Variants in MTSS1 observed in about 807,000 individuals in gnomAD.
The protein encoded by MTSS1 is protein MTSS 1.
Under a neutral mutation model 79.0 loss-of-function variants are expected in MTSS1, and 18 were observed. The ratio of observed to expected loss-of-function variants is 0.23; its 90% CI spans 0.16 to 0.34. The LOEUF (loss-of-function observed/expected upper bound fraction) is 0.34. Ranked by LOEUF, MTSS1 falls within the 10% of genes least tolerant of loss-of-function variation. The pLI is 1.00. For missense variants in MTSS1, 815 were observed against 986.2 expected, an observed-to-expected ratio of 0.83 and a Z score of 2.33; for synonymous variants, 341 against 368.6, an observed-to-expected ratio of 0.93 and a Z score of 0.86.
intron 3 of MTSS1, among the ~76,000 whole-genome samples, chr8:124,653,688 C>T (rs947275158): frequency 3.3e-5 from 5 of 152,230 alleles, no homozygotes; most frequent in African/African-American, 4.8e-5. Context: ...CGCGCCAGTG[C>T]GCTCCAGCCT....
intron 3 of MTSS1, among the ~76,000 whole-genome samples, chr8:124,614,417 G>A (rs1221951688): frequency 6.6e-6 from 1 of 152,220 alleles, no homozygotes; most frequent in African/African-American, 2.4e-5. Context: ...AGGGATGGGT[G>A]TGTTTCTTTT....
Position 124,716,670 on chromosome 8 carries a change from T to C in MTSS1, c.72+11214A>G, listed in dbSNP as rs138246876. On this transcript the variant is annotated intron_variant, in intron 1 of 13. Coordinates refer to ENST00000518547, the MANE Select transcript of MTSS1 (RefSeq NM_014751.6). The stretch of plus-strand genomic sequence containing the variant: ...TTTAACCCATTCTCCAGGGACACTT[T>C]TGCTCATTAAAAATTACACACAGCA... 6.9e-3 allele frequency among the ~76,000 whole-genome samples: 1,050 copies of C among 152,288 alleles called. 22 individuals carry two copies. The highest frequency in any genetic ancestry group is 0.024 in the African/African-American group (996 of 41,562).
At chr8:124,638,999 T>G (rs1817533080) in intron 3 of MTSS1, among the ~76,000 whole-genome samples, 1 of 152,202 alleles carries the variant, frequency 6.6e-6, no homozygotes, top group Non-Finnish European at 1.5e-5. Context: ...AAAAGTAATT[T>G]TATTTTTTCA....
At chr8:124,706,474 A>C (rs1587907712) in intron 1 of MTSS1, among the ~76,000 whole-genome samples, 1 of 152,382 alleles carries the variant, frequency 6.6e-6, no homozygotes, top group East Asian at 1.9e-4. Flanking sequence ...TGTTTCACGC[A>C]TGCTGCTACA....
chr8:124,551,377 C>T lies in MTSS1; in HGVS notation c.*1615G>A, dbSNP rs774121153. The T allele has an allele frequency of 7.2e-5, 11 of 152,528 alleles. No homozygotes were observed. The highest frequency in any genetic ancestry group is 2.0e-4 in the Admixed American group (3 of 15,268). The allele number at this position is 152,528 out of a possible 1,614,324, so 9.4% of individuals were successfully genotyped here. ...AATAATCATGCCTTTGCTTTAAAGC[C>T]GTAACATAAAATGTCCTTGAGCAAT... is the stretch of plus-strand genomic sequence containing the variant. On this transcript the variant is annotated 3_prime_UTR_variant, in exon 14 of 14. Transcript: ENST00000518547.
intron 13 of MTSS1, among the ~76,000 whole-genome samples, chr8:124,555,254 A>AT (rs1323172167): frequency 4.0e-5 from 6 of 151,008 alleles, no homozygotes; most frequent in South Asian, 4.2e-4. Context: ...ATTTATTATT[A>AT]TTTTTTTTTG....
chr8:124,695,329 G>A (rs1250861889), intron 3 of MTSS1, among the ~76,000 whole-genome samples: 6 of 132,686 alleles, frequency 4.5e-5, no homozygotes, highest in Admixed American at 1.5e-4. Context: ...CTTCCATCAA[G>A]AGGGATAAAA....
chr8:124,717,909 G>A (rs180880646), intron 1 of MTSS1, among the ~76,000 whole-genome samples: 4 of 152,264 alleles, frequency 2.6e-5, no homozygotes, highest in Admixed American at 2.6e-4. Context: ...GGTACTAGTA[G>A]CTTCTCAAGT....
At chr8:124,694,920 T>C (rs895209005) in intron 3 of MTSS1, among the ~76,000 whole-genome samples, 2 of 152,218 alleles carry the variant, frequency 1.3e-5, no homozygotes, top group African/African-American at 4.8e-5. Context: ...CAACAAAATA[T>C]GGAACTGCGC....
intron 10 of MTSS1, 71 bp downstream of exon 10, chr8:124,562,711 T>A (rs1406279480): frequency 2.7e-6 from 4 of 1,459,174 alleles, no homozygotes; most frequent in South Asian, 2.3e-5. Flanking sequence ...GGTGCTTCTT[T>A]GGTTCTGGCC....
At chr8:124,627,326 G>A (rs921079008) in intron 3 of MTSS1, among the ~76,000 whole-genome samples, 2 of 152,164 alleles carry the variant, frequency 1.3e-5, no homozygotes, top group African/African-American at 2.4e-5. Flanking sequence ...CGTTACATTC[G>A]CTAACACTGA....
At position 124,582,939 on chromosome 8, in the gene MTSS1, G is replaced by A. The variant is rs570126355; in HGVS notation, c.460+2148C>T. 1.8e-4 allele frequency among the ~76,000 whole-genome samples: 27 copies of A among 152,318 alleles called. No homozygotes were observed. Among genetic ancestry groups the A allele is most frequent in the African/African-American group, 6.0e-4 (25 of 41,564 alleles). On this transcript the variant is annotated intron_variant, in intron 6 of 13. Coordinates refer to ENST00000518547, the MANE Select transcript of MTSS1 (RefSeq NM_014751.6). This position sits in a 1 kb window ranked among gnomAD's most constrained non-coding sequence, Gnocchi z 4.8. ...CCGAATGTGACTCTAGTACCTTTCA[G>A]AAGGCTGCTTTCATCCCAGAAATAT...
At chr8:124,568,707 C>A in intron 6 of MTSS1, 171 bp from the exon 7 acceptor site, 1 of 1,475,746 alleles carries the variant, frequency 6.8e-7, no homozygotes, top group South Asian at 1.3e-5. Context: ...CTAGGACCAG[C>A]CATTTCCAAT....
intron 9 of MTSS1, among the ~76,000 whole-genome samples, chr8:124,565,327 A>G (rs2132021408): frequency 6.6e-6 from 1 of 152,352 alleles, no homozygotes; most frequent in African/African-American, 2.4e-5. Flanking sequence ...AAATCAACCC[A>G]GGTTCACCAT....
chr8:124,579,351 G>A (rs1466297473), intron 6 of MTSS1, among the ~76,000 whole-genome samples: 4 of 152,180 alleles, frequency 2.6e-5, no homozygotes, highest in African/African-American at 9.7e-5. Flanking sequence ...GGTCAGCGTG[G>A]GTGGGGAGAC....
intron 1 of MTSS1, among the ~76,000 whole-genome samples, chr8:124,707,909 G>A (rs1312918735): frequency 1.3e-5 from 2 of 152,160 alleles, no homozygotes; most frequent in African/African-American, 4.8e-5. Context: ...GGTGAGGCAT[G>A]TTCATCGAGA....
At chr8:124,601,873 AT>A (rs1285755551) in intron 3 of MTSS1, among the ~76,000 whole-genome samples, 4 of 152,166 alleles carry the variant, frequency 2.6e-5, no homozygotes, top group Admixed American at 1.3e-4. Flanking sequence ...ATGTTTCAGG[AT>A]TTTTTTATTT....
chr8:124,717,336 AC>A, intron 1 of MTSS1, among the ~76,000 whole-genome samples: 1 of 151,368 alleles, frequency 6.6e-6, no homozygotes, highest in East Asian at 1.9e-4. Flanking sequence ...TACTAAAGAT[AC>A]AAAAAAAAAA....
chr8:124,676,694 G>A (rs1825350534), intron 3 of MTSS1, among the ~76,000 whole-genome samples: 1 of 152,218 alleles, frequency 6.6e-6, no homozygotes, highest in South Asian at 2.1e-4. Flanking sequence ...AGTATCAAGT[G>A]AAAAGGTCTC....
Sources: allele counts gnomAD v4.1 joint callset (sites outside exome capture counted in the v4.1 genomes callset), GRCh38; gene constraint gnomAD v4.1.1; non-coding constraint Gnocchi (gnomAD v3.1); transcripts MANE v1.5; gene names NCBI Gene and HGNC (gene_info 2026-07-23, HGNC 2026-07-21).